TMC1: variants seen among roughly 807,000 people sequenced by gnomAD.
TMC1 encodes transmembrane channel like 1.
A neutral mutation model predicts 105.8 loss-of-function variants in TMC1; 84 were observed. The observed-to-expected ratio is 0.79, with a 90% CI of 0.67 to 0.95. TMC1 has a LOEUF of 0.95. Among genes scored for constraint, TMC1 ranks in the 40% least tolerant of loss-of-function variants. The pLI, the probability that TMC1 is intolerant of heterozygous loss-of-function variation, is 0.00. For missense variants in TMC1, 817 were observed against 914.1 expected (o/e 0.89, Z 1.37); for synonymous variants, 315 against 311.5 (o/e 1.01, Z -0.12).
intron 10 of TMC1, among the ~76,000 whole-genome samples, chr9:72,744,188 C>T (rs140723640): frequency 6.6e-6 from 1 of 152,300 alleles, no homozygotes; most frequent in African/African-American, 2.4e-5. Flanking sequence ...ATTCCCAGTG[C>T]CATTTCTCTC....
chr9:72,541,247 C>T (rs1823670961), intron 1 of TMC1, among the ~76,000 whole-genome samples: 1 of 152,224 alleles, frequency 6.6e-6, no homozygotes, highest in African/African-American at 2.4e-5. Flanking sequence ...TTAATCAATT[C>T]TTACATCTAT....
chr9:72,728,939 C>A (rs991426377), intron 8 of TMC1, among the ~76,000 whole-genome samples: 25 of 151,924 alleles, frequency 1.6e-4, no homozygotes, highest in Non-Finnish European at 2.6e-4. Context: ...CTTGTTTCAT[C>A]TAAAATTACC....
chr9:72,752,665 ATGCT>A (rs1827599871), intron 11 of TMC1, among the ~76,000 whole-genome samples: 1 of 152,174 alleles, frequency 6.6e-6, no homozygotes, highest in Non-Finnish European at 1.5e-5. Context: ...ACACCTTTGA[ATGCT>A]TACCTTACAG....
Position 72,538,110 on chromosome 9 carries a change from T to A in TMC1, c.-428+16197T>A, listed in dbSNP as rs145154281. Among the ~76,000 whole-genome samples the A allele has an allele frequency of 4.0e-3, 610 of 150,934 alleles. 3 individuals carry two copies. The highest frequency in any genetic ancestry group is 0.014 in the African/African-American group (579 of 40,998). On this transcript the variant is annotated intron_variant, in intron 1 of 23. Transcript: ENST00000297784. ...GGCAGAGGTTGCAGTGAGCTGAGAT[T>A]GCACCATTGCATTCCAGCCTGGGTG... is the stretch of plus-strand genomic sequence containing the variant.
chr9:72,658,582 C>T (rs1825920755), intron 5 of TMC1, among the ~76,000 whole-genome samples: 1 of 152,120 alleles, frequency 6.6e-6, no homozygotes, highest in African/African-American at 2.4e-5. Flanking sequence ...CATGTAGTAC[C>T]TACGCATAGG....
chr9:72,836,588 A>G lies in TMC1; in HGVS notation c.*615A>G, dbSNP rs893997094. 6.5e-6 allele frequency: 1 copy of G among 153,406 alleles called. No individual in the cohort carries two copies. The highest frequency in any genetic ancestry group is 1.5e-5 in the Non-Finnish European group (1 of 68,954). 9.5% of individuals were successfully genotyped at this position (153,406 alleles called of 1,614,324 possible). A position where few individuals can be genotyped will look rare whatever the true frequency, so the allele number is the denominator to read the frequency against. On this transcript the variant is annotated 3_prime_UTR_variant, in exon 24 of 24. Transcript: ENST00000297784. ...GAAATAGGGTTTTTAGAAGAAAAAA[A>G]AATCCTATATGAATTGGGGCCTGGA...
At chr9:72,756,027 C>T (rs1329288114) in intron 12 of TMC1, among the ~76,000 whole-genome samples, 2 of 152,098 alleles carry the variant, frequency 1.3e-5, no homozygotes, top group African/African-American at 4.8e-5. Context: ...TGAGGAGTAC[C>T]AGAACATGCA....
intron 1 of TMC1, among the ~76,000 whole-genome samples, chr9:72,547,559 T>A (rs1031036714): frequency 6.6e-6 from 1 of 152,210 alleles, no homozygotes; most frequent in African/African-American, 2.4e-5. Context: ...ATATGGTGAC[T>A]ATTATGTGAG....
At chr9:72,682,589 T>C (rs574412086) in intron 5 of TMC1, among the ~76,000 whole-genome samples, 1 of 152,302 alleles carries the variant, frequency 6.6e-6, no homozygotes, top group South Asian at 2.1e-4. Flanking sequence ...TTAGTTAACC[T>C]GAGTGAGATT....
chr9:72,594,927 G>A (rs1159845454), intron 2 of TMC1, among the ~76,000 whole-genome samples: 1 of 151,266 alleles, frequency 6.6e-6, no homozygotes, highest in East Asian at 2.0e-4. Flanking sequence ...GTGCAGTGGC[G>A]CAATCTTGGC....
In TMC1 at chr9:72,627,987, G is replaced by C. The variant is rs1030515455; in HGVS notation, c.-129G>C. On this transcript the variant is annotated 5_prime_UTR_variant, in exon 4 of 24. Transcript: ENST00000297784. ...CATCTGAAAATCTCTGCTGGGGGCA[G>C]CAACTTTGAGCCTGTGGGGAAGGAA... 2.2e-6 allele frequency: 1 copy of C among 455,400 alleles called. No homozygotes were observed. The highest frequency in any genetic ancestry group is 2.0e-5 in the African/African-American group (1 of 49,994). 28.2% of individuals were successfully genotyped at this position (455,400 alleles called of 1,614,324 possible).
At position 72,591,657 on chromosome 9, in the gene TMC1, A is replaced by C. The variant is rs1352532866; in HGVS notation, c.-306+13634A>C. ...CTCACTGCAACCTTGATCAGCCTTCATCTCCTAGGCTCAAGCAATCCTGCC... is the reference window on the plus strand; with the variant it reads ...CTCACTGCAACCTTGATCAGCCTTCCTCTCCTAGGCTCAAGCAATCCTGCC... On this transcript the variant is annotated intron_variant, in intron 2 of 23. Transcript: ENST00000297784. 3.3e-5 allele frequency among the ~76,000 whole-genome samples: 5 copies of C among 152,270 alleles called. No homozygotes were observed. In the East Asian group the frequency reaches 9.7e-4, roughly 29 times the overall value.
At chr9:72,644,075 G>C (rs184206480) in intron 4 of TMC1, among the ~76,000 whole-genome samples, 8 of 152,006 alleles carry the variant, frequency 5.3e-5, no homozygotes, top group Admixed American at 2.6e-4. Context: ...TATCTTCCTT[G>C]GTCAAATATC....
At chr9:72,583,085 G>T (rs1002348119) in intron 2 of TMC1, among the ~76,000 whole-genome samples, 1 of 152,206 alleles carries the variant, frequency 6.6e-6, no homozygotes, top group South Asian at 2.1e-4. Flanking sequence ...TAGCTGGATT[G>T]GTGGTGTGTG....
At chr9:72,523,475 C>T (rs1823350069) in intron 1 of TMC1, among the ~76,000 whole-genome samples, 1 of 152,106 alleles carries the variant, frequency 6.6e-6, no homozygotes, top group Non-Finnish European at 1.5e-5. Flanking sequence ...ATGTATTATA[C>T]ACTGTATTCT....
rs773779882 is a variant in TMC1 at position 72,821,105 on chromosome 9, T to G, written c.2003+24T>G. On this transcript the variant is annotated intron_variant, in intron 20 of 23. Transcript: ENST00000297784. ...AGGTCTCTTGCTTTTGAAATTTGACTCAGGCATCGTGTTCTTTCGGGGGTG... is the reference window on the plus strand; with the variant it reads ...AGGTCTCTTGCTTTTGAAATTTGACGCAGGCATCGTGTTCTTTCGGGGGTG... 3.1e-6 allele frequency: 5 copies of G among 1,614,132 alleles called. No individual in the cohort carries two copies. In the Admixed American group the frequency reaches 8.3e-5, roughly 27 times the overall value.
intron 2 of TMC1, among the ~76,000 whole-genome samples, chr9:72,592,611 T>G (rs1400247242): frequency 6.6e-6 from 1 of 152,206 alleles, no homozygotes; most frequent in African/African-American, 2.4e-5. Flanking sequence ...GCGTGTTTCC[T>G]TCTGAAGCAC....
rs1449968954 is a variant in TMC1, at chr9:72,725,357, A to G, written c.363-14762A>G. Among the ~76,000 whole-genome samples, 5 of 82,790 alleles carry G rather than the reference A, an allele frequency of 6.0e-5. 1 individual carries two copies. The highest frequency in any genetic ancestry group is 2.7e-4 in the Admixed American group (2 of 7,328). 54.3% of individuals were successfully genotyped at this position (82,790 alleles called of 152,430 possible). Reference sequence around the variant, plus strand: ...TATATATATATATATATATATATATATATATATATATGTATATACACACAC... The same window carrying G: ...TATATATATATATATATATATATATGTATATATATATGTATATACACACAC... On this transcript the variant is annotated intron_variant, in intron 8 of 23. Transcript: ENST00000297784.
chr9:72,539,366 A>G (rs1204971834), intron 1 of TMC1, among the ~76,000 whole-genome samples: 1 of 152,164 alleles, frequency 6.6e-6, no homozygotes, highest in African/African-American at 2.4e-5. Context: ...AGATCGTGCC[A>G]CTGCATTCCA....
Sources: gnomAD v4.1 joint callset for allele counts (sites outside exome capture counted in the v4.1 genomes callset) on GRCh38, gnomAD v4.1.1 for gene constraint, MANE v1.5 for transcripts, NCBI Gene and HGNC (gene_info 2026-07-23, HGNC 2026-07-21) for gene names.